TRPV2: variants seen among roughly 807,000 people sequenced by gnomAD.
The protein encoded by TRPV2 is OTRPC2.
Under a neutral mutation model 91.0 loss-of-function variants are expected in TRPV2, and 58 were observed. The observed-to-expected ratio is 0.64, with a 90% CI of 0.52 to 0.79. The LOEUF is 0.79. Ranked by LOEUF, TRPV2 falls within the 30% of genes least tolerant of loss-of-function variation. The pLI, the probability that TRPV2 is intolerant of heterozygous loss-of-function variation, is 0.00. For missense variants in TRPV2, 807 were observed against 969.6 expected, an observed-to-expected ratio of 0.83 and a Z score of 2.23; for synonymous variants, 417 against 414.8, an observed-to-expected ratio of 1.01 and a Z score of -0.06.
chr17:16,420,615 C>T (rs2093352357), intron 3 of TRPV2, among the ~76,000 whole-genome samples: 1 of 152,090 alleles, frequency 6.6e-6, no homozygotes, highest in Non-Finnish European at 1.5e-5. Flanking sequence ...CACTCTTTGC[C>T]CAAAATCTAA....
chr17:16,424,286 T>C (rs544596979), intron 5 of TRPV2, among the ~76,000 whole-genome samples: 1 of 152,120 alleles, frequency 6.6e-6, no homozygotes, highest in African/African-American at 2.4e-5. Flanking sequence ...GCCCCCTGAG[T>C]AGCTGGGATT....
chr17:16,434,966 C>T lies in TRPV2; in HGVS notation c.2191C>T (p.Pro731Ser). 1 of 1,609,192 alleles carries T rather than the reference C, an allele frequency of 6.2e-7. No individual in the cohort carries two copies. The highest frequency in any genetic ancestry group is 8.5e-7 in the Non-Finnish European group (1 of 1,177,888). ...LCEDPSGAGV[P>S]RTLENPVLAS... ...TGAGGACCCGTCAGGGGCAGGTGTC[C>T]CTCGTGAGTAGCCTGGTGACTAGAG... The change falls in exon 14 of 15, where the codon CCT (proline) becomes TCT (serine). Residue 731 changes from proline to serine, a missense_variant. By Grantham distance (74) the Pro-to-Ser change is moderately conservative. Transcript: ENST00000338560.
Position 16,426,075 on chromosome 17 carries a change from C to A in TRPV2, c.925-24C>A. 3 of 1,613,498 alleles carry A rather than the reference C, an allele frequency of 1.9e-6. No individual in the cohort carries two copies. Among genetic ancestry groups the A allele is most frequent in the Non-Finnish European group, 2.5e-6 (3 of 1,179,562 alleles). ...CAGTGCCAGGAAGGGACCATGAATG[C>A]AAGCTCATATGGCCACCCTGCAGAT... On this transcript the variant is annotated intron_variant, in intron 5 of 14. Coordinates refer to ENST00000338560, the MANE Select transcript of TRPV2 (RefSeq NM_016113.5). The surrounding 1 kb of genome is among the most constrained non-coding windows in gnomAD (Gnocchi z 6.0).
chr17:16,433,189 A>G, intron 12 of TRPV2: 1 of 193,932 alleles, frequency 5.2e-6, no homozygotes, highest in East Asian at 1.5e-4. Context: ...TCTGTGCCCC[A>G]CCTGACTCAC....
At chr17:16,428,747 C>A in intron 9 of TRPV2, 70 bp from the exon 10 acceptor site, 1 of 1,587,610 alleles carries the variant, frequency 6.3e-7, no homozygotes, top group Non-Finnish European at 8.6e-7. Flanking sequence ...GGACCTTGGT[C>A]AGCATAGGCC....
rs1307930628 is a variant in TRPV2 at position 16,428,325 on chromosome 17, C to T, written c.1359C>T (p.Tyr453=). 1.2e-6 allele frequency: 2 copies of T among 1,614,074 alleles called. No individual in the cohort carries two copies. The highest frequency in any genetic ancestry group is 2.7e-5 in the African/African-American group (2 of 74,930). ...GIYLLVGQLW[Y]FWRRHVFIWI... is the part of the protein sequence containing the mutation. The stretch of plus-strand genomic sequence containing the variant: ...CCTCCCTTCCTCCGCAGCTGTGGTA[C>T]TTCTGGCGGCGCCACGTGTTCATCT... The change falls in exon 9 of 15, where the codon TAC becomes TAT. Residue 453 remains tyrosine (Y), a synonymous_variant. Coordinates refer to ENST00000338560, the MANE Select transcript of TRPV2 (RefSeq NM_016113.5).
intron 3 of TRPV2, among the ~76,000 whole-genome samples, chr17:16,420,881 G>T (rs1347059081): frequency 6.6e-6 from 1 of 152,204 alleles, no homozygotes; most frequent in Non-Finnish European, 1.5e-5. Context: ...CCCCCAGAGT[G>T]CTGGGATTAC....
Position 16,423,728 on chromosome 17 carries a change from C to T in TRPV2, c.885C>T (p.Leu295=). 6.2e-7 allele frequency: 1 copy of T among 1,602,130 alleles called. No homozygotes were observed. The highest frequency in any genetic ancestry group is 8.5e-7 in the Non-Finnish European group (1 of 1,171,340). ...QLEDIRNLQD[L]TPLKLAAKEG... ...AGGACATCCGCAACCTGCAGGATCT[C>T]ACGCCTCTGAAGCTGGCCGCCAAGG... The change falls in exon 5 of 15, where the codon CTC becomes CTT. Residue 295 remains leucine, a synonymous_variant. Coordinates refer to ENST00000338560, the MANE Select transcript of TRPV2 (RefSeq NM_016113.5).
intron 5 of TRPV2, among the ~76,000 whole-genome samples, chr17:16,424,142 A>G (rs2093371732): frequency 1.4e-5 from 2 of 147,982 alleles, no homozygotes; most frequent in South Asian, 4.3e-4. Flanking sequence ...GGCATGTGCC[A>G]CCACACCCAG....
At chr17:16,425,546 T>G (rs1400259804) in intron 5 of TRPV2, among the ~76,000 whole-genome samples, 1 of 152,232 alleles carries the variant, frequency 6.6e-6, no homozygotes, top group African/African-American at 2.4e-5. Context: ...TAACCCTTTT[T>G]CGCTGCCCTC....
rs762794374 is a variant in TRPV2 at position 16,423,632 on chromosome 17, T to C, written c.789T>C (p.Ile263=). ...TCTCGGACAACTCAGCTGAGAACAT[T>C]GCACTGGTGACCAGCATGTATGATG... The part of the protein sequence containing the change: ...VMISDNSAEN[I]ALVTSMYDGL... The change falls in exon 5 of 15, where the codon ATT becomes ATC. Residue 263 remains isoleucine (I), a synonymous_variant. Transcript: ENST00000338560. The C allele has an allele frequency of 2.0e-5, 33 of 1,613,186 alleles. No homozygotes were observed. Among genetic ancestry groups the C allele is most frequent in the Non-Finnish European group, 2.4e-5 (28 of 1,179,734 alleles).
Position 16,427,475 on chromosome 17 carries a change from G to A in TRPV2, c.1278G>A (p.Glu426=). The A allele has an allele frequency of 6.2e-7, 1 of 1,613,884 alleles. No individual in the cohort carries two copies. Among genetic ancestry groups the A allele is most frequent in the Middle Eastern group, 1.7e-4 (1 of 6,054 alleles). The change falls in exon 8 of 15, where the codon GAG becomes GAA. Residue 426 remains glutamate (E), a synonymous_variant. Transcript: ENST00000338560. Reference sequence around the variant, plus strand: ...AGGCCGCCCCTCACCTGAAAGCGGAGGTTGGAAACTCCATGCTGCTGACGG... The same window carrying A: ...AGGCCGCCCCTCACCTGAAAGCGGAAGTTGGAAACTCCATGCTGCTGACGG... ...KKQAAPHLKA[E]VGNSMLLTGH...
chr17:16,431,153 G>A (rs1468208331), intron 10 of TRPV2, among the ~76,000 whole-genome samples: 6 of 149,166 alleles, frequency 4.0e-5, no homozygotes, highest in Admixed American at 4.0e-4. Flanking sequence ...CTGGGCTCAA[G>A]CAATCCTCCT....
intron 3 of TRPV2, among the ~76,000 whole-genome samples, chr17:16,421,511 G>A (rs938968948): frequency 4.8e-5 from 7 of 146,576 alleles, no homozygotes; most frequent in South Asian, 2.1e-4. Context: ...GAGCCACCGC[G>A]CCTGGCCATT....
chr17:16,424,180 C>T (rs142482964), intron 5 of TRPV2, among the ~76,000 whole-genome samples: 1,731 of 132,616 alleles, frequency 0.013, 36 homozygotes, highest in African/African-American at 0.048. Flanking sequence ...TTTTTTGAGA[C>T]GGACCCTCGC....
chr17:16,428,328 C>A lies in TRPV2; in HGVS notation c.1362C>A (p.Phe454Leu). 1 of 1,614,224 alleles carries A rather than the reference C, an allele frequency of 6.2e-7. No homozygotes were observed. The highest frequency in any genetic ancestry group is 1.3e-5 in the African/African-American group (1 of 75,062). ...IYLLVGQLWY[F>L]WRRHVFIWIS... is the part of the protein sequence containing the mutation. The stretch of plus-strand genomic sequence containing the variant: ...CCCTTCCTCCGCAGCTGTGGTACTT[C>A]TGGCGGCGCCACGTGTTCATCTGGA... The change falls in exon 9 of 15, where the codon TTC (phenylalanine) becomes TTA (leucine). Residue 454 changes from phenylalanine (F) to leucine (L), a missense_variant. Phe to Leu is a conservative substitution (Grantham distance 22). Transcript: ENST00000338560.
chr17:16,434,758 C>T lies in TRPV2; in HGVS notation c.2115-132C>T. ...AGAACCCTGCAGAGAAAAAGCCTGT[C>T]CTCCTCAGGGCCTCTGTGTCCACCA... On this transcript the variant is annotated intron_variant, in intron 13 of 14. Transcript: ENST00000338560. 8.9e-6 allele frequency: 7 copies of T among 788,420 alleles called. No homozygotes were observed. The South Asian group carries it at 1.3e-4, about 14-fold the overall frequency. The allele number at this position is 788,420 out of a possible 1,614,324, so 48.8% of individuals were successfully genotyped here.
chr17:16,429,813 T>C (rs1600982970), intron 10 of TRPV2, among the ~76,000 whole-genome samples: 1 of 142,440 alleles, frequency 7.0e-6, no homozygotes, highest in African/African-American at 2.6e-5. Flanking sequence ...GATTTGGAGG[T>C]CCCCAGAGGC....
chr17:16,429,368 T>C (rs994015497), intron 10 of TRPV2, among the ~76,000 whole-genome samples: 1 of 152,200 alleles, frequency 6.6e-6, no homozygotes, highest in African/African-American at 2.4e-5. Context: ...CCGGGCCCTG[T>C]TCTAGGTGTT....
Sources: allele counts gnomAD v4.1 joint callset (sites outside exome capture counted in the v4.1 genomes callset), GRCh38; gene constraint gnomAD v4.1.1; non-coding constraint Gnocchi (gnomAD v3.1); transcripts MANE v1.5; gene names NCBI Gene and HGNC (gene_info 2026-07-23, HGNC 2026-07-21).